Variants in RGS3 observed in about 807,000 individuals in gnomAD.
RGS3 encodes the protein regulator of G protein signaling 3.
In RGS3, 80 loss-of-function variants were observed where a neutral mutation model predicts 132.6. The observed-to-expected ratio is 0.60, with a 90% CI of 0.50 to 0.73. RGS3 has a LOEUF of 0.73. Ranked by LOEUF, RGS3 falls within the 30% of genes least tolerant of loss-of-function variation. RGS3 has a pLI of 0.00. For missense variants in RGS3, 1,382 were observed against 1,530.8 expected (o/e 0.90, Z 1.62); for synonymous variants, 598 against 620.6 (o/e 0.96, Z 0.54).
chr9:113,463,706 C>A lies in RGS3; in HGVS notation c.415+1505C>A. On this transcript the variant is annotated intron_variant, in intron 3 of 24. Coordinates refer to ENST00000350696, the Ensembl canonical transcript of RGS3. The surrounding 1 kb of genome is among the most constrained non-coding windows in gnomAD (Gnocchi z 4.6). ...CAACGCTTGGGGCAGCCCTACCTCC[C>A]GCTCGCGCTCCTCCCGCCCTGGAGA... 4 of 1,444,708 alleles carry A rather than the reference C, an allele frequency of 2.8e-6. No individual in the cohort carries two copies. Among genetic ancestry groups the A allele is most frequent in the Non-Finnish European group, 3.6e-6 (4 of 1,099,774 alleles). The allele number at this position is 1,444,708 out of a possible 1,614,324, so 89.5% of individuals were successfully genotyped here. A position where few individuals can be genotyped will look rare whatever the true frequency, so the allele number is the denominator to read the frequency against.
At chr9:113,466,459 C>T (rs1186780986) in intron 3 of RGS3, among the ~76,000 whole-genome samples, 1 of 152,180 alleles carries the variant, frequency 6.6e-6, no homozygotes, top group African/African-American at 2.4e-5. Flanking sequence ...TTTGTGTGTA[C>T]ACATGAACAC....
At chr9:113,468,194 TTTAGGTCTTTGATCCAC>T (rs1179213948) in intron 3 of RGS3, among the ~76,000 whole-genome samples, 7 of 152,240 alleles carry the variant, frequency 4.6e-5, no homozygotes, top group Non-Finnish European at 8.8e-5. Context: ...GGCTCTTATA[TTTAGGTCTTTGATCCAC>T]TTTGAGTTAA....
At chr9:113,471,630 C>A (rs1324637280) in intron 3 of RGS3, among the ~76,000 whole-genome samples, 1 of 151,852 alleles carries the variant, frequency 6.6e-6, no homozygotes, top group Middle Eastern at 3.2e-3. Flanking sequence ...CCCTCCCTGC[C>A]TCTTCCGTCC....
At chr9:113,499,054 A>C (rs1010404059) in intron 10 of RGS3, among the ~76,000 whole-genome samples, 1 of 151,182 alleles carries the variant, frequency 6.6e-6, no homozygotes. Context: ...TGGTGAAACC[A>C]TGTCTCTACT....
At chr9:113,583,364 C>T (rs1246283296) in intron 19 of RGS3, 86 bp from the exon 18 acceptor site, 1 of 1,521,234 alleles carries the variant, frequency 6.6e-7, no homozygotes, top group Non-Finnish European at 8.8e-7. Context: ...CAGGCCACTG[C>T]CTGATTTCAT....
chr9:113,583,742 C>T (rs371735508), exon 20 of RGS3: 2 of 1,614,124 alleles, frequency 1.2e-6, no homozygotes, highest in Non-Finnish European at 1.7e-6. Flanking sequence ...CAAGACCTCT[C>T]ACCCTGCCAG....
intron 20 of RGS3, among the ~76,000 whole-genome samples, chr9:113,587,028 C>G (rs1282414285): frequency 6.6e-6 from 1 of 152,206 alleles, no homozygotes; most frequent in Non-Finnish European, 1.5e-5. Context: ...GAAGTACCAC[C>G]AGACCCCATT....
At chr9:113,592,445 T>C (rs1015728114) in intron 21 of RGS3, 5 of 151,668 alleles carry the variant, frequency 3.3e-5, no homozygotes, top group African/African-American at 1.2e-4. Flanking sequence ...AGCAGCCCTG[T>C]CTAGCCTCCT....
intron 7 of RGS3, among the ~76,000 whole-genome samples, chr9:113,489,694 A>ATT (rs796193756): frequency 1.8e-4 from 25 of 142,112 alleles, no homozygotes; most frequent in African/African-American, 4.1e-4. Flanking sequence ...CAGCTACTTA[A>ATT]TTTTTTTTTT....
intron 16 of RGS3, 200 bp from the exon 15 acceptor site, chr9:113,522,730 G>A: frequency 1.7e-6 from 1 of 586,246 alleles, no homozygotes; most frequent in Non-Finnish European, 3.1e-6. Flanking sequence ...GGAAGCTGGA[G>A]GGTGATGGGG....
At chr9:113,522,831 TGGGGAGGCTGTGGCTCCCCACCTTCTC>T (rs1832021758) in intron 16 of RGS3, 72 bp from the exon 15 acceptor site, 2 of 790,070 alleles carry the variant, frequency 2.5e-6, no homozygotes, top group Non-Finnish European at 4.6e-6. Flanking sequence ...ATGCATTATC[TGGGGAGGCTGTGGCTCCCCACCTTCTC>T]GGGGAGGTTG....
chr9:113,467,659 TTCTC>T (rs936812062), intron 3 of RGS3, among the ~76,000 whole-genome samples: 10 of 152,226 alleles, frequency 6.6e-5, no homozygotes, highest in East Asian at 1.9e-4. Flanking sequence ...TGCAAATATT[TTCTC>T]TCTATCTGTG....
chr9:113,482,526 C>T (rs547209445), intron 4 of RGS3, among the ~76,000 whole-genome samples: 1 of 152,300 alleles, frequency 6.6e-6, no homozygotes, highest in South Asian at 2.1e-4. Context: ...GCACGGCTCA[C>T]GGCACACCGT....
At chr9:113,494,678 T>C (rs1830628906) in intron 7 of RGS3, among the ~76,000 whole-genome samples, 1 of 152,156 alleles carries the variant, frequency 6.6e-6, no homozygotes, top group Non-Finnish European at 1.5e-5. Flanking sequence ...GTAGAGATGG[T>C]GTCTCCCTTT....
rs555640828 is a variant in RGS3 at position 113,504,676 on chromosome 9, A to G, written c.898-766A>G. Among the ~76,000 whole-genome samples, 83 of 152,346 alleles carry G rather than the reference A, an allele frequency of 5.4e-4. 1 individual carries two copies. Among genetic ancestry groups the G allele is most frequent in the Middle Eastern group, 6.8e-3 (2 of 294 alleles). On this transcript the variant is annotated intron_variant, in intron 10 of 24. Coordinates refer to ENST00000350696, the Ensembl canonical transcript of RGS3. ...ATGTCCACAGAGCCTGGCATGCTGT[A>G]GGAGCTCAATAATTGTGTGCCAGTT...
intron 14 of RGS3, among the ~76,000 whole-genome samples, chr9:113,513,257 G>A (rs1242522763): frequency 6.6e-6 from 1 of 152,076 alleles, no homozygotes; most frequent in African/African-American, 2.4e-5. Flanking sequence ...CAGGGTGAGG[G>A]GTGTGTGTCC....
At chr9:113,553,457 A>ATATAT (rs1482392351) in intron 19 of RGS3, among the ~76,000 whole-genome samples, 1 of 90,916 alleles carries the variant, frequency 1.1e-5, no homozygotes, top group Non-Finnish European at 2.2e-5. Flanking sequence ...AAAAAAAAAA[A>ATATAT]AAATATATAT....
At chr9:113,471,686 C>CCCTG (rs527507999) in intron 3 of RGS3, among the ~76,000 whole-genome samples, 47 of 152,038 alleles carry the variant, frequency 3.1e-4, no homozygotes, top group African/African-American at 1.1e-3. Flanking sequence ...CTTTCTTTCT[C>CCCTG]CCTGCCTGCC....
intron 19 of RGS3, among the ~76,000 whole-genome samples, chr9:113,573,303 G>A (rs149534578): frequency 6.6e-6 from 1 of 152,294 alleles, no homozygotes; most frequent in East Asian, 1.9e-4. Context: ...GCTGTTGCTT[G>A]GAGTAAAACC....
Sources: gnomAD v4.1 joint callset for allele counts (sites outside exome capture counted in the v4.1 genomes callset) on GRCh38, gnomAD v4.1.1 for gene constraint, Gnocchi (gnomAD v3.1) non-coding constraint, MANE v1.5 for transcripts, NCBI Gene and HGNC (gene_info 2026-07-23, HGNC 2026-07-21) for gene names.